RPS6KC1: variants seen among roughly 807,000 people sequenced by gnomAD.
The protein encoded by RPS6KC1 is ribosomal protein S6 kinase C1.
In RPS6KC1, 54 loss-of-function variants were observed where a neutral mutation model predicts 103.8. The ratio of observed to expected loss-of-function variants is 0.52; its 90% CI spans 0.42 to 0.65. RPS6KC1 has a LOEUF of 0.65. Among genes scored for constraint, RPS6KC1 ranks in the 30% least tolerant of loss-of-function variants. RPS6KC1 has a pLI of 0.00. For missense variants in RPS6KC1, 1,151 were observed against 1,253.8 expected (o/e 0.92, Z 1.24); for synonymous variants, 439 against 438.7 (o/e 1.00, Z -0.01).
the RPS6KC1 span, among the ~76,000 whole-genome samples, chr1:213,733,473 G>A: frequency 6.6e-6 from 1 of 151,470 alleles, no homozygotes; most frequent in African/African-American, 2.4e-5. Context: ...CTGGGCTCAA[G>A]CGATCATCCT....
At chr1:213,110,112 C>A (rs2082882196) in intron 4 of RPS6KC1, among the ~76,000 whole-genome samples, 1 of 151,974 alleles carries the variant, frequency 6.6e-6, no homozygotes, top group Non-Finnish European at 1.5e-5. Context: ...GAGTCATAGT[C>A]CTTTTAATTC....
At chr1:213,237,862 T>A (rs1282439986) in intron 10 of RPS6KC1, among the ~76,000 whole-genome samples, 1 of 152,118 alleles carries the variant, frequency 6.6e-6, no homozygotes, top group Non-Finnish European at 1.5e-5. Context: ...AGACAAATTT[T>A]ATGTACCTTA....
chr1:213,755,757 A>T, the RPS6KC1 span, among the ~76,000 whole-genome samples: 2 of 152,228 alleles, frequency 1.3e-5, no homozygotes, highest in African/African-American at 4.8e-5. Flanking sequence ...CTTTGTCTTT[A>T]TTCAACAATT....
the RPS6KC1 span, among the ~76,000 whole-genome samples, chr1:213,417,169 T>C: frequency 6.6e-6 from 1 of 152,136 alleles, no homozygotes; most frequent in Non-Finnish European, 1.5e-5. Flanking sequence ...TCGCTGCCTT[T>C]CTTTCATTCG....
the RPS6KC1 span, among the ~76,000 whole-genome samples, chr1:213,588,296 C>CT: frequency 0.035 from 4,833 of 138,900 alleles, 107 homozygotes; most frequent in South Asian, 0.055. Flanking sequence ...AAACCTCTGT[C>CT]TTTTTTTTTT....
chr1:213,352,574 G>A, the RPS6KC1 span, among the ~76,000 whole-genome samples: 4 of 152,142 alleles, frequency 2.6e-5, no homozygotes, highest in African/African-American at 4.8e-5. Context: ...ATCATAGAAG[G>A]TAAAGGAAAC....
At chr1:213,061,785 C>T (rs2077865272) in intron 1 of RPS6KC1, among the ~76,000 whole-genome samples, 1 of 151,998 alleles carries the variant, frequency 6.6e-6, no homozygotes, top group South Asian at 2.1e-4. Flanking sequence ...TATTCCTGTC[C>T]CACATTCAGA....
chr1:213,136,825 T>G (rs1195980254), intron 6 of RPS6KC1, among the ~76,000 whole-genome samples: 2 of 152,196 alleles, frequency 1.3e-5, no homozygotes, highest in African/African-American at 4.8e-5. Context: ...ATTATTATTC[T>G]GATCTTTAAC....
the RPS6KC1 span, among the ~76,000 whole-genome samples, chr1:213,637,073 C>G: frequency 6.6e-6 from 1 of 152,166 alleles, no homozygotes; most frequent in Admixed American, 6.6e-5. Flanking sequence ...GATACCATCT[C>G]ACACCAGTTA....
chr1:213,054,699 T>G (rs758782980), intron 1 of RPS6KC1, among the ~76,000 whole-genome samples: 6 of 152,232 alleles, frequency 3.9e-5, no homozygotes, highest in Non-Finnish European at 8.8e-5. Context: ...AAATCTCCTT[T>G]GTGCTTTTTT....
intron 1 of RPS6KC1, among the ~76,000 whole-genome samples, chr1:213,064,540 G>A (rs190611086): frequency 6.6e-6 from 1 of 151,126 alleles, no homozygotes; most frequent in East Asian, 1.9e-4. Flanking sequence ...GCTAATTTTT[G>A]TATTTTTAGT....
the RPS6KC1 span, among the ~76,000 whole-genome samples, chr1:213,372,726 C>T: frequency 6.6e-6 from 1 of 152,070 alleles, no homozygotes; most frequent in Admixed American, 6.5e-5. Context: ...CCTGTTCTAC[C>T]TTGGGGGTGG....
intron 6 of RPS6KC1, among the ~76,000 whole-genome samples, chr1:213,135,368 G>A (rs1245068929): frequency 1.3e-5 from 2 of 152,130 alleles, no homozygotes; most frequent in Admixed American, 1.3e-4. Context: ...GGAAAAGAGG[G>A]ACTGCTTATT....
chr1:213,329,315 G>A, the RPS6KC1 span, among the ~76,000 whole-genome samples: 2 of 152,152 alleles, frequency 1.3e-5, no homozygotes, highest in Non-Finnish European at 2.9e-5. Context: ...AAGTGGAGTA[G>A]GGTGCAGGTT....
chr1:213,314,699 A>G, the RPS6KC1 span, among the ~76,000 whole-genome samples: 1 of 151,750 alleles, frequency 6.6e-6, no homozygotes, highest in Admixed American at 6.6e-5. Flanking sequence ...ATTAGCAGCA[A>G]TGAAAATACT....
chr1:213,052,295 A>G (rs2077017417), intron 1 of RPS6KC1, among the ~76,000 whole-genome samples: 1 of 152,230 alleles, frequency 6.6e-6, no homozygotes. Context: ...TAGGCATTTT[A>G]TGCACATCAC....
At chr1:213,737,363 A>G in the RPS6KC1 span, among the ~76,000 whole-genome samples, 3 of 152,118 alleles carry the variant, frequency 2.0e-5, no homozygotes, top group African/African-American at 4.8e-5. Context: ...GCTAGAACAT[A>G]CTCACCATGA....
At chr1:213,821,646 A>T in the RPS6KC1 span, 1 of 152,080 alleles carries the variant, frequency 6.6e-6, no homozygotes, top group Non-Finnish European at 1.5e-5. Flanking sequence ...TCACTCTGTC[A>T]CCTTGATCCC....
At chr1:213,742,812 A>G in the RPS6KC1 span, among the ~76,000 whole-genome samples, 1 of 152,246 alleles carries the variant, frequency 6.6e-6, no homozygotes, top group African/African-American at 2.4e-5. Context: ...CAGAGTGAGC[A>G]GAGAAATGAG....
Sources: allele counts gnomAD v4.1 joint callset (sites outside exome capture counted in the v4.1 genomes callset), GRCh38; gene constraint gnomAD v4.1.1; transcripts MANE v1.5; gene names NCBI Gene and HGNC (gene_info 2026-07-23, HGNC 2026-07-21).